Variants in ETNK1 observed in about 807,000 individuals in gnomAD.
ETNK1 encodes the protein ethanolamine kinase 1.
In ETNK1, 8 loss-of-function variants were observed where a neutral mutation model predicts 45.1. The observed-to-expected ratio is 0.18, with a 90% CI of 0.10 to 0.32. The LOEUF is 0.32. ETNK1 is among the 10% of genes least tolerant of loss of function. The probability of loss-of-function intolerance (pLI) is 1.00; values close to 1 mark genes in which losing one functional copy is unlikely to be tolerated. For synonymous variants in ETNK1, 152 were observed against 151.9 expected (o/e 1.00, Z -0.01); for missense variants, 302 against 430.6 (o/e 0.70, Z 2.64).
intron 3 of ETNK1, among the ~76,000 whole-genome samples, chr12:22,660,018 C>T (rs1257429947): frequency 7.0e-6 from 1 of 142,666 alleles, no homozygotes; most frequent in African/African-American, 2.6e-5. Flanking sequence ...CCACAATTTT[C>T]ATTCGACACT....
At chr12:22,644,211 T>C (rs765973658) in intron 2 of ETNK1, 189 bp downstream of exon 2, 1 of 1,597,338 alleles carries the variant, frequency 6.3e-7, no homozygotes, top group Non-Finnish European at 8.5e-7. Flanking sequence ...ATATTTGCAG[T>C]TTATCATCGT....
intron 6 of ETNK1, among the ~76,000 whole-genome samples, chr12:22,679,348 A>T (rs1954191456): frequency 6.6e-6 from 1 of 152,188 alleles, no homozygotes. Context: ...CATGGGGAAA[A>T]AGAAGGAAGC....
chr12:22,681,844 A>G (rs1954218409), intron 6 of ETNK1, among the ~76,000 whole-genome samples: 1 of 152,184 alleles, frequency 6.6e-6, no homozygotes, highest in African/African-American at 2.4e-5. Flanking sequence ...TTTCAAGTAT[A>G]TGAAAAAAAG....
At chr12:22,679,837 G>A (rs1458988524) in intron 6 of ETNK1, among the ~76,000 whole-genome samples, 12 of 151,740 alleles carry the variant, frequency 7.9e-5, no homozygotes, top group African/African-American at 2.4e-4. Context: ...GAGTACAGGC[G>A]TTTGCCGCCA....
intron 2 of ETNK1, among the ~76,000 whole-genome samples, chr12:22,647,925 A>G (rs1953827467): frequency 6.6e-6 from 1 of 151,988 alleles, no homozygotes; most frequent in African/African-American, 2.4e-5. Context: ...ACAAGGTAGG[A>G]GAAGGACCAA....
intron 2 of ETNK1, among the ~76,000 whole-genome samples, chr12:22,647,185 T>G (rs1421754199): frequency 1.3e-5 from 2 of 151,886 alleles, no homozygotes; most frequent in African/African-American, 4.8e-5. Flanking sequence ...GTTTAGAAAT[T>G]TTTTCAAATT....
chr12:22,685,334 T>G lies in ETNK1; in HGVS notation c.*380T>G, dbSNP rs770047319. On this transcript the variant is annotated 3_prime_UTR_variant, in exon 8 of 8. Transcript: ENST00000266517. The stretch of plus-strand genomic sequence containing the variant: ...AATGAAAATGTCCCAAATAAGTTTT[T>G]TAAGTTTTACTTTAATAAGATTAAT... 7.0e-5 allele frequency: 11 copies of G among 157,954 alleles called. No individual in the cohort carries two copies. Among genetic ancestry groups the G allele is most frequent in the Non-Finnish European group, 1.5e-4 (11 of 72,014 alleles). 9.8% of individuals were successfully genotyped at this position (157,954 alleles called of 1,614,324 possible). A position where few individuals can be genotyped will look rare whatever the true frequency, so the allele number is the denominator to read the frequency against.
At chr12:22,680,899 C>A (rs963005141) in intron 6 of ETNK1, among the ~76,000 whole-genome samples, 4 of 131,484 alleles carry the variant, frequency 3.0e-5, no homozygotes, top group Admixed American at 7.4e-5. Flanking sequence ...TTCCCCCGCC[C>A]CCCCCTCCAT....
At chr12:22,634,643 T>G (rs1244692622) in intron 1 of ETNK1, among the ~76,000 whole-genome samples, 1 of 152,168 alleles carries the variant, frequency 6.6e-6, no homozygotes. Flanking sequence ...TGCCCAGGAT[T>G]GAGTGCAGTG....
At chr12:22,656,250 T>G (rs890340403) in intron 2 of ETNK1, among the ~76,000 whole-genome samples, 1 of 152,226 alleles carries the variant, frequency 6.6e-6, no homozygotes, top group Non-Finnish European at 1.5e-5. Flanking sequence ...TTTAGATTCA[T>G]CTTGAAATAT....
At chr12:22,682,521 G>A (rs1177970521) in intron 6 of ETNK1, among the ~76,000 whole-genome samples, 1 of 152,082 alleles carries the variant, frequency 6.6e-6, no homozygotes, top group East Asian at 1.9e-4. Context: ...GACATCCATT[G>A]TACTTTGGAT....
chr12:22,634,758 T>C (rs1953632933), intron 1 of ETNK1, among the ~76,000 whole-genome samples: 1 of 152,142 alleles, frequency 6.6e-6, no homozygotes, highest in South Asian at 2.1e-4. Flanking sequence ...TTTCATCATG[T>C]TGCCCAGGCT....
At chr12:22,651,256 A>G (rs991300911) in intron 2 of ETNK1, among the ~76,000 whole-genome samples, 1 of 152,178 alleles carries the variant, frequency 6.6e-6, no homozygotes, top group Non-Finnish European at 1.5e-5. Context: ...TATTATGCAG[A>G]TGGTTCTCTA....
chr12:22,660,347 G>A (rs1325347922), intron 3 of ETNK1, among the ~76,000 whole-genome samples: 1 of 152,044 alleles, frequency 6.6e-6, no homozygotes, highest in Non-Finnish European at 1.5e-5. Context: ...AGGAATTAGT[G>A]GTAGTAGCCC....
intron 4 of ETNK1, among the ~76,000 whole-genome samples, chr12:22,661,755 C>G (rs1954001451): frequency 6.6e-6 from 1 of 152,060 alleles, no homozygotes; most frequent in African/African-American, 2.4e-5. Flanking sequence ...TTTATATCTA[C>G]TAAAGTAATC....
intron 2 of ETNK1, among the ~76,000 whole-genome samples, chr12:22,652,454 A>C (rs916757587): frequency 2.6e-5 from 4 of 152,180 alleles, no homozygotes; most frequent in Admixed American, 2.6e-4. Flanking sequence ...TAATAGCTGC[A>C]CCATTTTATA....
intron 1 of ETNK1, among the ~76,000 whole-genome samples, chr12:22,634,830 C>T (rs117149513): frequency 0.012 from 1,771 of 152,298 alleles, 23 homozygotes; most frequent in African/African-American, 0.038. Context: ...GTTGGGATTA[C>T]AGGCATAAGC....
At chr12:22,634,149 T>A (rs1340067516) in intron 1 of ETNK1, among the ~76,000 whole-genome samples, 1 of 152,160 alleles carries the variant, frequency 6.6e-6, no homozygotes, top group Non-Finnish European at 1.5e-5. Flanking sequence ...AGTATTTTCA[T>A]CATGAATGAT....
At chr12:22,656,586 C>G (rs987601892) in intron 2 of ETNK1, 8 of 985,396 alleles carry the variant, frequency 8.1e-6, no homozygotes, top group Admixed American at 6.1e-5. Context: ...GCCTTCTGCT[C>G]TCCCAGACAT....
Sources: gnomAD v4.1 joint callset for allele counts (sites outside exome capture counted in the v4.1 genomes callset) on GRCh38, gnomAD v4.1.1 for gene constraint, MANE v1.5 for transcripts, NCBI Gene and HGNC (gene_info 2026-07-23, HGNC 2026-07-21) for gene names.